The following GFRA2 variants were observed in gnomAD, a reference collection of about 807,000 sequenced individuals.
GFRA2 encodes the protein GDNF family receptor alpha-2.
A neutral mutation model predicts 48.3 loss-of-function variants in GFRA2; 17 were observed. The observed-to-expected ratio is 0.35, with a 90% confidence interval of 0.24 to 0.53. The LOEUF (loss-of-function observed/expected upper bound fraction) is 0.53, where lower values mean the gene tolerates loss of function less well. Among genes scored for constraint, GFRA2 ranks in the 20% least tolerant of loss-of-function variants. The pLI is 0.93. For missense variants in GFRA2, 660 were observed against 637.3 expected (o/e 1.04, Z -0.38); for synonymous variants, 305 against 257.2 (o/e 1.19, Z -1.78).
chr8:21,809,382 T>A (rs1205948621), intron 1 of GFRA2, among the ~76,000 whole-genome samples: 1 of 152,228 alleles, frequency 6.6e-6, no homozygotes, highest in Non-Finnish European at 1.5e-5. Context: ...TGGAGTGCAG[T>A]GGCGCGATCT....
chr8:21,767,269 TAC>T (rs763657940), intron 3 of GFRA2, among the ~76,000 whole-genome samples: 2 of 148,196 alleles, frequency 1.3e-5, no homozygotes, highest in Non-Finnish European at 1.5e-5. Context: ...CACCACCACA[TAC>T]ACACACACCA....
intron 2 of GFRA2, 37 bp from the exon 3 acceptor site, chr8:21,775,092 C>T (rs1806630146): frequency 1.1e-5 from 12 of 1,053,194 alleles, no homozygotes; most frequent in South Asian, 2.6e-5. Context: ...CGGGCTCCTC[C>T]GGGCCAGAGC....
At chr8:21,735,519 T>C (rs1270713188) in intron 4 of GFRA2, among the ~76,000 whole-genome samples, 1 of 152,148 alleles carries the variant, frequency 6.6e-6, no homozygotes, top group Non-Finnish European at 1.5e-5. Context: ...AGAGAGCCGC[T>C]GTGTGGAGAC....
At chr8:21,759,495 AAGGAAGGAAGGAAGGAAGGAAG>A (rs1805782575) in intron 3 of GFRA2, among the ~76,000 whole-genome samples, 5 of 124,388 alleles carry the variant, frequency 4.0e-5, no homozygotes, top group Non-Finnish European at 7.0e-5. Context: ...AGAAGGAAGG[AAGGAAGGAAGGAAGGAAGGAAG>A]GAAGGAAGGA....
intron 2 of GFRA2, among the ~76,000 whole-genome samples, chr8:21,778,088 G>C (rs1222750579): frequency 1.3e-5 from 2 of 152,202 alleles, no homozygotes; most frequent in African/African-American, 4.8e-5. Context: ...ACGCCCACCA[G>C]CAGGGGCCAA....
In GFRA2 at chr8:21,703,241, G is replaced by T. The variant is rs76864803; in HGVS notation, c.1046-264C>A. ...AGAAGTGTACATGATGGGGAACACA[G>T]AAGAAAAAAGGAGAAAAAGAAGGGG... On this transcript the variant is annotated intron_variant, in intron 6 of 8. Coordinates refer to ENST00000524240, the MANE Select transcript of GFRA2 (RefSeq NM_001495.5). Among the ~76,000 whole-genome samples the T allele has an allele frequency of 0.02, 3,063 of 152,126 alleles. 108 individuals carry two copies. The highest frequency in any genetic ancestry group is 0.07 in the African/African-American group (2,918 of 41,496).
At chr8:21,782,466 T>C (rs796351905) in intron 2 of GFRA2, 119 bp downstream of exon 2, 39 of 733,728 alleles carry the variant, frequency 5.3e-5, no homozygotes, top group African/African-American at 5.3e-4. Flanking sequence ...CAGGTAGACA[T>C]AGAGAGCTGG....
At chr8:21,810,373 C>A (rs1446609607) in intron 1 of GFRA2, among the ~76,000 whole-genome samples, 1 of 152,192 alleles carries the variant, frequency 6.6e-6, no homozygotes, top group Non-Finnish European at 1.5e-5. Context: ...CCCTCACTGA[C>A]CTGGAGCCAT....
At chr8:21,780,020 C>T (rs1008996709) in intron 2 of GFRA2, among the ~76,000 whole-genome samples, 8 of 151,858 alleles carry the variant, frequency 5.3e-5, no homozygotes, top group African/African-American at 1.7e-4. Flanking sequence ...CACTACTGTC[C>T]GATGTTAGAT....
chr8:21,722,053 A>G (rs1236750223), intron 4 of GFRA2, among the ~76,000 whole-genome samples: 1 of 152,218 alleles, frequency 6.6e-6, no homozygotes, highest in Non-Finnish European at 1.5e-5. Flanking sequence ...TATCAAGGCA[A>G]TGTCTATTAT....
intron 2 of GFRA2, among the ~76,000 whole-genome samples, chr8:21,781,616 T>C (rs1806989758): frequency 6.6e-6 from 1 of 151,936 alleles, no homozygotes; most frequent in African/African-American, 2.4e-5. Flanking sequence ...CTCACAGCAC[T>C]TACACCATCA....
chr8:21,757,514 T>TTTTTTTTTTTTTTTTTTTATGG (rs1805628581), intron 3 of GFRA2, among the ~76,000 whole-genome samples: 1 of 151,862 alleles, frequency 6.6e-6, no homozygotes, highest in Non-Finnish European at 1.5e-5. Context: ...TCCTTTTTTT[T>TTTTTTTTTTTTTTTTTTTATGG]GAATGGAGTT....
chr8:21,727,025 C>A (rs1239599976), intron 4 of GFRA2, among the ~76,000 whole-genome samples: 1 of 152,218 alleles, frequency 6.6e-6, no homozygotes, highest in Non-Finnish European at 1.5e-5. Flanking sequence ...GCTGGGATTA[C>A]AGGCATGAGC....
intron 4 of GFRA2, among the ~76,000 whole-genome samples, chr8:21,732,110 C>T (rs1050705721): frequency 1.3e-5 from 2 of 152,250 alleles, no homozygotes; most frequent in African/African-American, 2.4e-5. Flanking sequence ...GAGCTCCTGG[C>T]GTCACTGCAT....
intron 4 of GFRA2, among the ~76,000 whole-genome samples, chr8:21,732,051 C>A (rs1407020320): frequency 6.6e-6 from 1 of 152,226 alleles, no homozygotes; most frequent in Non-Finnish European, 1.5e-5. Flanking sequence ...CTGAGTCGGG[C>A]CAGGCCCTGG....
Position 21,754,516 on chromosome 8 carries a change from T to C in GFRA2, c.440-3574A>G, listed in dbSNP as rs201261739. Among the ~76,000 whole-genome samples the C allele has an allele frequency of 5.3e-5, 8 of 149,772 alleles. No individual in the cohort carries two copies. In the East Asian group the frequency reaches 7.8e-4, roughly 15 times the overall value. On this transcript the variant is annotated intron_variant, in intron 3 of 8. Coordinates refer to ENST00000524240, the MANE Select transcript of GFRA2 (RefSeq NM_001495.5). ...TGGTCTTTTTTTTTCTTTTTTTTTT[T>C]TTTTTTTTTGAGTCAGAGTTTTGCT...
At chr8:21,697,607 C>T (rs1185453939) in intron 7 of GFRA2, among the ~76,000 whole-genome samples, 3 of 152,152 alleles carry the variant, frequency 2.0e-5, no homozygotes, top group Admixed American at 2.0e-4. Context: ...GCCTCCCTGC[C>T]CTCCAGGGGC....
intron 4 of GFRA2, among the ~76,000 whole-genome samples, chr8:21,707,419 T>G (rs1184854644): frequency 6.6e-6 from 1 of 152,142 alleles, no homozygotes; most frequent in African/African-American, 2.4e-5. Flanking sequence ...AATGCAGGCT[T>G]TCCACCGGAA....
intron 3 of GFRA2, among the ~76,000 whole-genome samples, chr8:21,765,520 C>T (rs1313587669): frequency 6.6e-6 from 1 of 152,018 alleles, no homozygotes; most frequent in Non-Finnish European, 1.5e-5. Flanking sequence ...AGCTCTTCCT[C>T]CTCTACTTGG....
Sources: allele counts gnomAD v4.1 joint callset (sites outside exome capture counted in the v4.1 genomes callset), GRCh38; gene constraint gnomAD v4.1.1; transcripts MANE v1.5; gene names NCBI Gene and HGNC (gene_info 2026-07-23, HGNC 2026-07-21).